EFNB2: variants seen among roughly 807,000 people sequenced by gnomAD.
EFNB2 encodes the protein ephrin B2, also known as ephrin-B2.
Under a neutral mutation model 32.1 loss-of-function variants are expected in EFNB2, and 5 were observed. The ratio of observed to expected loss-of-function variants is 0.16; its 90% confidence interval spans 0.08 to 0.33. EFNB2 has a LOEUF of 0.33. Among genes scored for constraint, EFNB2 ranks in the 10% least tolerant of loss-of-function variants. The pLI is 1.00. For synonymous variants in EFNB2, 168 were observed against 166.5 expected, an observed-to-expected ratio of 1.01 and a Z score of -0.07; for missense variants, 263 against 422.6, an observed-to-expected ratio of 0.62 and a Z score of 3.31.
chr13:106,522,231 T>C (rs1450127461), intron 1 of EFNB2, among the ~76,000 whole-genome samples: 1 of 152,158 alleles, frequency 6.6e-6, no homozygotes, highest in Admixed American at 6.5e-5. Context: ...TCACGCCAGC[T>C]CCATTACTAA....
intron 2 of EFNB2, among the ~76,000 whole-genome samples, chr13:106,504,134 C>A (rs745371918): frequency 3.3e-5 from 5 of 152,122 alleles, no homozygotes; most frequent in Non-Finnish European, 7.3e-5. Flanking sequence ...TGCCAAGATA[C>A]GAAAAGGTCT....
rs190929065 is a variant in EFNB2, at chr13:106,523,797, C to G, written c.123-10985G>C. Among the ~76,000 whole-genome samples, 108 of 151,958 alleles carry G rather than the reference C, an allele frequency of 7.1e-4. 1 individual carries two copies. The highest frequency in any genetic ancestry group is 3.4e-3 in the Middle Eastern group (1 of 294). Reference sequence around the variant, plus strand: ...AGCCTGGACTTGATTTGAGTCTTCTCAGCTCTGACAAGCTGGAAGCTGGCA... The same window carrying G: ...AGCCTGGACTTGATTTGAGTCTTCTGAGCTCTGACAAGCTGGAAGCTGGCA... On this transcript the variant is annotated intron_variant, in intron 1 of 4. Coordinates refer to ENST00000646441, the MANE Select transcript of EFNB2 (RefSeq NM_004093.4).
At chr13:106,499,098 G>A (rs16968778) in intron 2 of EFNB2, among the ~76,000 whole-genome samples, 4,140 of 152,136 alleles carry the variant, frequency 0.027, 187 homozygotes, top group African/African-American at 0.095. Context: ...ACTCCAGGAG[G>A]TAAACTTTAC....
intron 1 of EFNB2, among the ~76,000 whole-genome samples, chr13:106,533,253 C>A (rs1879942514): frequency 6.6e-6 from 1 of 150,774 alleles, no homozygotes; most frequent in South Asian, 2.1e-4. Flanking sequence ...GCGCCGCGGG[C>A]TCCCCGCGAC....
At chr13:106,502,117 C>A (rs1268945867) in intron 2 of EFNB2, among the ~76,000 whole-genome samples, 1 of 152,148 alleles carries the variant, frequency 6.6e-6, no homozygotes, top group African/African-American at 2.4e-5. Context: ...TGAATTAATA[C>A]CACATTGCTA....
intron 2 of EFNB2, among the ~76,000 whole-genome samples, chr13:106,507,173 G>A: frequency 6.6e-6 from 1 of 152,178 alleles, no homozygotes; most frequent in East Asian, 1.9e-4. Flanking sequence ...GGCTGATGTT[G>A]CTGTATCACC....
intron 1 of EFNB2, among the ~76,000 whole-genome samples, chr13:106,531,947 A>C (rs1236651214): frequency 6.6e-6 from 1 of 152,104 alleles, no homozygotes; most frequent in Non-Finnish European, 1.5e-5. Flanking sequence ...TTTTTTTTAA[A>C]AAAGAGCCCA....
intron 1 of EFNB2, among the ~76,000 whole-genome samples, chr13:106,527,362 A>C (rs1879736222): frequency 6.6e-6 from 1 of 152,304 alleles, no homozygotes; most frequent in South Asian, 2.1e-4. Flanking sequence ...CAGCGCTCTA[A>C]ATGTATGCCC....
chr13:106,494,879 A>C lies in EFNB2; in HGVS notation c.613+2T>G. 6.2e-7 allele frequency: 1 copy of C among 1,610,712 alleles called. No individual in the cohort carries two copies. Among genetic ancestry groups the C allele is most frequent in the Non-Finnish European group, 8.5e-7 (1 of 1,176,922 alleles). On this transcript the variant is annotated splice_donor_variant, in intron 4 of 4. Coordinates refer to ENST00000646441, the MANE Select transcript of EFNB2 (RefSeq NM_004093.4). LOFTEE classifies it high-confidence loss of function. ...CCATACACACAGATCATGCTGTTAT[A>C]CCTGGATTTGGTTTTACAAAGGGAC... is the stretch of plus-strand genomic sequence containing the variant.
intron 2 of EFNB2, among the ~76,000 whole-genome samples, chr13:106,505,361 C>T (rs2391331): frequency 0.73 from 110,400 of 152,116 alleles, 40,656 homozygotes; most frequent in African/African-American, 0.84. Context: ...CGGCCCTGGA[C>T]TGAGTTTTGT....
rs1295217953 is a variant in EFNB2 at position 106,524,005 on chromosome 13, G to T, written c.122+10838C>A. 2.0e-5 allele frequency among the ~76,000 whole-genome samples: 3 copies of T among 152,110 alleles called. No homozygotes were observed. In the East Asian group the frequency reaches 5.8e-4, roughly 29 times the overall value. ...ATGTTACAATTTTTAAAAGGAAAAT[G>T]TTACCAAAGGAATACTACTCAATAT... On this transcript the variant is annotated intron_variant, in intron 1 of 4. Coordinates refer to ENST00000646441, the MANE Select transcript of EFNB2 (RefSeq NM_004093.4).
chr13:106,527,353 A>T (rs1466096103), intron 1 of EFNB2, among the ~76,000 whole-genome samples: 1 of 152,200 alleles, frequency 6.6e-6, no homozygotes, highest in Non-Finnish European at 1.5e-5. Flanking sequence ...GTTCATTCAC[A>T]GCGCTCTAAA....
At chr13:106,495,478 T>C (rs1338896508) in intron 3 of EFNB2, among the ~76,000 whole-genome samples, 2 of 141,746 alleles carry the variant, frequency 1.4e-5, no homozygotes, top group African/African-American at 2.7e-5. Flanking sequence ...GAAATATCTA[T>C]CTATCTATCT....
Position 106,512,578 on chromosome 13 carries a change from A to G in EFNB2, c.357T>C (p.Pro119=). ...TCTGAAATTCTAGACCCCAGAGGTT[A>G]GGGCTGAATTCTTGAAACTTGATGG... The part of the protein sequence containing the change: ...KFTIKFQEFS[P]NLWGLEFQKN... Residue 119 remains proline, a synonymous_variant, in exon 2 of 5, where the codon CCT becomes CCC. Coordinates refer to ENST00000646441, the MANE Select transcript of EFNB2 (RefSeq NM_004093.4). The G allele has an allele frequency of 2.5e-6, 4 of 1,613,482 alleles. No homozygotes were observed. The highest frequency in any genetic ancestry group is 2.2e-5 in the East Asian group (1 of 44,852).
At chr13:106,523,289 A>G (rs1879596002) in intron 1 of EFNB2, among the ~76,000 whole-genome samples, 1 of 152,126 alleles carries the variant, frequency 6.6e-6, no homozygotes, top group Admixed American at 6.6e-5. Context: ...CGCCCCCACA[A>G]CTGTGTACCT....
chr13:106,511,581 T>G (rs1466345037), intron 2 of EFNB2, among the ~76,000 whole-genome samples: 6 of 152,188 alleles, frequency 3.9e-5, no homozygotes, highest in Non-Finnish European at 5.9e-5. Context: ...AGAGTCCACC[T>G]TGGGGCAAAT....
At chr13:106,534,331 G>A (rs1879982885) in intron 1 of EFNB2, among the ~76,000 whole-genome samples, 1 of 152,184 alleles carries the variant, frequency 6.6e-6, no homozygotes, top group Admixed American at 6.5e-5. Context: ...CCAGGGCTCT[G>A]CGGGCAGCGT....
intron 3 of EFNB2, among the ~76,000 whole-genome samples, chr13:106,495,505 TC>T (rs1878560410): frequency 6.6e-6 from 1 of 151,596 alleles, no homozygotes; most frequent in African/African-American, 2.4e-5. Context: ...CTATTATCTA[TC>T]TATCTATCTA....
chr13:106,521,296 C>T (rs1405104149), intron 1 of EFNB2: 1 of 152,136 alleles, frequency 6.6e-6, no homozygotes, highest in Non-Finnish European at 1.5e-5. Flanking sequence ...AGATGAGAAG[C>T]ACAGAAATTC....
Sources: allele counts gnomAD v4.1 joint callset (sites outside exome capture counted in the v4.1 genomes callset), GRCh38; gene constraint gnomAD v4.1.1; transcripts MANE v1.5; gene names NCBI Gene and HGNC (gene_info 2026-07-23, HGNC 2026-07-21).